The following PGAP1 variants were observed in gnomAD, a reference collection of about 807,000 sequenced individuals.
PGAP1 encodes GPI inositol-deacylase.
In PGAP1, 76 loss-of-function variants were observed where a neutral mutation model predicts 127.0. That is an observed-to-expected ratio of 0.60 (90% confidence interval 0.50 to 0.72). The LOEUF (loss-of-function observed/expected upper bound fraction) is 0.72, where lower values mean the gene tolerates loss of function less well. PGAP1 is among the 30% of genes least tolerant of loss of function. The probability of loss-of-function intolerance (pLI) is 0.00; values close to 1 mark genes in which losing one functional copy is unlikely to be tolerated. For synonymous variants in PGAP1, 362 were observed against 366.5 expected, an observed-to-expected ratio of 0.99 and a Z score of 0.14; for missense variants, 982 against 1,071.3, an observed-to-expected ratio of 0.92 and a Z score of 1.16.
intron 20 of PGAP1, 65 bp downstream of exon 20, chr2:196,864,922 A>G (rs1371523124): frequency 1.2e-6 from 1 of 810,846 alleles, no homozygotes; most frequent in East Asian, 3.0e-5. Flanking sequence ...ACATATGTGG[A>G]ACTAATAGTC....
chr2:196,846,358 C>T (rs1434158544), intron 22 of PGAP1, among the ~76,000 whole-genome samples: 3 of 152,100 alleles, frequency 2.0e-5, no homozygotes, highest in Non-Finnish European at 2.9e-5. Flanking sequence ...TTTCTTAAAG[C>T]CTAGAGACCA....
chr2:196,867,755 G>A (rs1178304872), intron 19 of PGAP1, among the ~76,000 whole-genome samples: 1 of 152,128 alleles, frequency 6.6e-6, no homozygotes, highest in Non-Finnish European at 1.5e-5. Context: ...GGAAACTATG[G>A]AAGTACAAGC....
At chr2:196,872,735 G>T (rs769035245) in intron 17 of PGAP1, 186 bp from the exon 18 acceptor site, 1 of 583,360 alleles carries the variant, frequency 1.7e-6, no homozygotes, top group Non-Finnish European at 3.0e-6. Flanking sequence ...GGACACAGGA[G>T]TTGCGAGAGG....
chr2:196,914,813 CT>C (rs772109065), intron 3 of PGAP1, among the ~76,000 whole-genome samples: 285 of 138,066 alleles, frequency 2.1e-3, no homozygotes, highest in Middle Eastern at 3.8e-3. Context: ...ATTCTTAATT[CT>C]TTTTTTTTTT....
intron 13 of PGAP1, among the ~76,000 whole-genome samples, chr2:196,876,458 C>T (rs1209749750): frequency 6.6e-6 from 1 of 152,038 alleles, no homozygotes; most frequent in African/African-American, 2.4e-5. Flanking sequence ...GTGACACTTG[C>T]ATCATTATAA....
At chr2:196,916,176 A>G (rs897296532) in intron 3 of PGAP1, among the ~76,000 whole-genome samples, 12 of 152,210 alleles carry the variant, frequency 7.9e-5, no homozygotes, top group Admixed American at 7.9e-4. Context: ...TTTTACTCCT[A>G]ATTTATATAT....
chr2:196,921,744 G>T (rs538586673), intron 1 of PGAP1, among the ~76,000 whole-genome samples: 1 of 152,130 alleles, frequency 6.6e-6, no homozygotes, highest in East Asian at 1.9e-4. Flanking sequence ...TAGTGAGAAA[G>T]AATATTTTTT....
intron 19 of PGAP1, among the ~76,000 whole-genome samples, chr2:196,868,339 C>A (rs867328212): frequency 2.6e-5 from 4 of 152,092 alleles, no homozygotes; most frequent in Admixed American, 1.3e-4. Flanking sequence ...TATAAAATTT[C>A]TTTTAATGAT....
intron 21 of PGAP1, 120 bp downstream of exon 21, chr2:196,847,827 C>T: frequency 1.6e-6 from 1 of 637,672 alleles, no homozygotes; most frequent in Non-Finnish European, 2.5e-6. Flanking sequence ...AAAAAAACCT[C>T]ATTTAATGAA....
At chr2:196,903,815 G>A (rs1298987898) in intron 4 of PGAP1, among the ~76,000 whole-genome samples, 1 of 152,202 alleles carries the variant, frequency 6.6e-6, no homozygotes, top group Non-Finnish European at 1.5e-5. Context: ...AAAGCCTAGT[G>A]TCAAAGATTA....
chr2:196,922,591 C>CAG (rs1200518418), intron 1 of PGAP1: 3 of 807,520 alleles, frequency 3.7e-6, no homozygotes, highest in Non-Finnish European at 4.5e-6. Context: ...CACACACACA[C>CAG]ACACACACAC....
chr2:196,854,385 CAT>C (rs1469142595), intron 20 of PGAP1, among the ~76,000 whole-genome samples: 1 of 151,812 alleles, frequency 6.6e-6, no homozygotes, highest in Non-Finnish European at 1.5e-5. Context: ...CAGTTATATT[CAT>C]GTTATTGATA....
At chr2:196,890,564 T>C (rs1488069220) in intron 10 of PGAP1, among the ~76,000 whole-genome samples, 1 of 152,156 alleles carries the variant, frequency 6.6e-6, no homozygotes, top group East Asian at 1.9e-4. Flanking sequence ...ATTCCATTCC[T>C]TCATCACGAA....
At chr2:196,875,654 TATTCAAC>T in intron 14 of PGAP1, 85 bp downstream of exon 14, 1 of 702,398 alleles carries the variant, frequency 1.4e-6, no homozygotes, top group South Asian at 1.6e-5. Context: ...ATACTTGAAA[TATTCAAC>T]ATTTGATATT....
At chr2:196,896,038 G>GA (rs982673069) in intron 7 of PGAP1, among the ~76,000 whole-genome samples, 1 of 151,112 alleles carries the variant, frequency 6.6e-6, no homozygotes, top group Non-Finnish European at 1.5e-5. Context: ...CCAACTTACA[G>GA]AAAAAAAAAT....
chr2:196,920,502 C>A (rs1381085057), intron 1 of PGAP1, among the ~76,000 whole-genome samples: 1 of 152,092 alleles, frequency 6.6e-6, no homozygotes, highest in Non-Finnish European at 1.5e-5. Context: ...ATCAATTATA[C>A]TTAGAAATGA....
chr2:196,922,959 G>A (rs116791471), intron 1 of PGAP1, among the ~76,000 whole-genome samples: 16 of 151,990 alleles, frequency 1.1e-4, no homozygotes, highest in Admixed American at 7.2e-4. Context: ...CAAAGTGCTA[G>A]GATTACAGGT....
At position 196,840,818 on chromosome 2, in the gene PGAP1, A is replaced by G. The variant is rs1271304383; in HGVS notation, c.*416T>C. The G allele has an allele frequency of 6.5e-6, 1 of 153,910 alleles. No homozygotes were observed. The highest frequency in any genetic ancestry group is 1.4e-5 in the Non-Finnish European group (1 of 69,280). 9.5% of individuals were successfully genotyped at this position (153,910 alleles called of 1,614,324 possible). On this transcript the variant is annotated 3_prime_UTR_variant, in exon 27 of 27. Coordinates refer to ENST00000354764, the MANE Select transcript of PGAP1 (RefSeq NM_024989.4). ...AGACTTATTTCTTAATAGGTAAACT[A>G]TAGCAAATTCAAAATAACCTACTTT...
intron 13 of PGAP1, among the ~76,000 whole-genome samples, chr2:196,876,774 T>C (rs1292203335): frequency 6.6e-6 from 1 of 152,066 alleles, no homozygotes; most frequent in Non-Finnish European, 1.5e-5. Context: ...CTTGGGTAGA[T>C]TTTTGATTGT....
Sources: gnomAD v4.1 joint callset for allele counts (sites outside exome capture counted in the v4.1 genomes callset) on GRCh38, gnomAD v4.1.1 for gene constraint, MANE v1.5 for transcripts, NCBI Gene and HGNC (gene_info 2026-07-23, HGNC 2026-07-21) for gene names.